PHKA2: variants seen among roughly 807,000 people sequenced by gnomAD.
PHKA2 encodes the protein phosphorylase kinase regulatory subunit alpha 2.
PHKA2 carries 31 observed loss-of-function variants against 102.0 expected under a neutral mutation model. The ratio of observed to expected loss-of-function variants is 0.30; its 90% confidence interval spans 0.23 to 0.41. PHKA2 has a LOEUF of 0.41. PHKA2 is among the 10% of genes least tolerant of loss of function. The probability of loss-of-function intolerance (pLI) is 1.00; values close to 1 mark genes in which losing one functional copy is unlikely to be tolerated. For missense variants in PHKA2, 858 were observed against 1,023.1 expected (o/e 0.84, Z 2.20); for synonymous variants, 455 against 416.2 (o/e 1.09, Z -1.13).
chrX:18,913,228 TAC>T (rs973326436), intron 19 of PHKA2, among the ~76,000 whole-genome samples: 8 of 111,568 alleles, frequency 7.2e-5, no homozygotes, highest in Non-Finnish European at 1.5e-4. Flanking sequence ...GACATGACTG[TAC>T]ACTGCTGTAG....
intron 1 of PHKA2, among the ~76,000 whole-genome samples, chrX:18,965,824 G>A (rs1056082144): frequency 9.0e-6 from 1 of 111,686 alleles, no homozygotes; most frequent in African/African-American, 3.3e-5. Context: ...AGTTAACAGT[G>A]ATATTCAAAT....
At chrX:18,895,874 G>C (rs1159985156) in intron 30 of PHKA2, 11 of 114,958 alleles carry the variant, frequency 9.6e-5, no homozygotes, top group Non-Finnish European at 2.0e-4. Flanking sequence ...CAGAACAGCA[G>C]TGGACACTCC....
chrX:18,957,402 C>A (rs1438678264), intron 1 of PHKA2, among the ~76,000 whole-genome samples: 2 of 111,718 alleles, frequency 1.8e-5, no homozygotes, highest in Non-Finnish European at 3.8e-5. Context: ...GCTGCCCTGT[C>A]TGATGCCATT....
Position 18,912,684 on chromosome X carries a change from G to A in PHKA2, c.2138-1724C>T, listed in dbSNP as rs918819973. ...TCCCAGCACTTTGGCAGGCTGAGGC[G>A]GAAGGATCACCTGAGGTCGGGAGTT... On this transcript the variant is annotated intron_variant, in intron 19 of 32. Coordinates refer to ENST00000379942, the MANE Select transcript of PHKA2 (RefSeq NM_000292.3). 3.6e-5 allele frequency among the ~76,000 whole-genome samples: 4 copies of A among 110,104 alleles called. No homozygotes were observed. In the South Asian group the frequency reaches 1.2e-3, roughly 33 times the overall value.
At position 18,894,505 on chromosome X, in the gene PHKA2, C is replaced by T. The variant is rs2047497073; in HGVS notation, c.3337-101G>A. 15 of 702,153 alleles carry T rather than the reference C, an allele frequency of 2.1e-5. No individual in the cohort carries two copies. The East Asian group carries it at 3.7e-4, about 17-fold the overall frequency. 57.9% of individuals were successfully genotyped at this position (702,153 alleles called of 1,213,427 possible). On this transcript the variant is annotated intron_variant, in intron 31 of 32. Transcript: ENST00000379942. ...GGGTGACCGTAGCAGTGCCTGGGCT[C>T]GGGGCTCAGCGCCACTGCTGCCCCT...
intron 1 of PHKA2, among the ~76,000 whole-genome samples, chrX:18,955,992 A>G (rs752649077): frequency 9.9e-4 from 111 of 112,631 alleles, no homozygotes; most frequent in African/African-American, 3.5e-3. Flanking sequence ...TCTTATTCCA[A>G]TAGTGGACTA....
chrX:18,915,082 G>A (rs1201800608), intron 19 of PHKA2, among the ~76,000 whole-genome samples: 2 of 112,129 alleles, frequency 1.8e-5, no homozygotes, highest in South Asian at 3.8e-4. Flanking sequence ...GCTCATGCCT[G>A]TAATCCCAGC....
chrX:18,977,277 T>A lies in PHKA2; in HGVS notation c.78+6578A>T, dbSNP rs113150771. On this transcript the variant is annotated intron_variant, in intron 1 of 32. Coordinates refer to ENST00000379942, the MANE Select transcript of PHKA2 (RefSeq NM_000292.3). Reference sequence around the variant, plus strand: ...AAAAAAAATGTGGCATGCATAAAGTTGATCTTTCAGTATTTTTTGACATTT... The same window carrying A: ...AAAAAAAATGTGGCATGCATAAAGTAGATCTTTCAGTATTTTTTGACATTT... 5.2e-3 allele frequency among the ~76,000 whole-genome samples: 585 copies of A among 112,825 alleles called. 6 individuals are homozygous for A. Among genetic ancestry groups the A allele is most frequent in the African/African-American group, 0.018 (548 of 31,111 alleles).
intron 5 of PHKA2, among the ~76,000 whole-genome samples, chrX:18,946,961 G>A (rs758190775): frequency 3.6e-4 from 39 of 109,255 alleles, no homozygotes; most frequent in African/African-American, 1.2e-3. Context: ...TACTGACCAG[G>A]TGCGACAACC....
intron 4 of PHKA2, among the ~76,000 whole-genome samples, chrX:18,949,431 G>C (rs2048639129): frequency 8.9e-6 from 1 of 112,133 alleles, no homozygotes; most frequent in African/African-American, 3.2e-5. Flanking sequence ...AGTTTAACTA[G>C]AAACTGAAAA....
chrX:18,901,682 C>T, intron 26 of PHKA2, 79 bp from the exon 27 acceptor site: 2 of 665,677 alleles, frequency 3.0e-6, no homozygotes, highest in Non-Finnish European at 5.0e-6. Context: ...CCTGTCTCCC[C>T]CACTTGACAA....
In PHKA2 at chrX:18,912,106, G is replaced by GT. The variant is rs745399417; in HGVS notation, c.2138-1147dup. 2.7e-5 allele frequency among the ~76,000 whole-genome samples: 3 copies of GT among 112,426 alleles called. No individual in the cohort carries two copies. In the South Asian group the frequency reaches 1.1e-3, roughly 41 times the overall value. The stretch of plus-strand genomic sequence containing the variant: ...CTCAGGAGAACAAGAAGTTTTCAAG[G>GT]TAAAGATGATGCATATTTAAAAGGC... On this transcript the variant is annotated intron_variant, in intron 19 of 32. Coordinates refer to ENST00000379942, the MANE Select transcript of PHKA2 (RefSeq NM_000292.3).
intron 4 of PHKA2, among the ~76,000 whole-genome samples, chrX:18,950,644 T>C (rs756816538): frequency 1.8e-5 from 2 of 112,853 alleles, no homozygotes; most frequent in African/African-American, 3.2e-5. Context: ...TGATTTATAA[T>C]ACTGATTGCT....
At chrX:18,970,784 A>G (rs2049008693) in intron 1 of PHKA2, among the ~76,000 whole-genome samples, 1 of 112,141 alleles carries the variant, frequency 8.9e-6, no homozygotes, top group African/African-American at 3.3e-5. Context: ...ATAGACCACT[A>G]CCTAATCACC....
chrX:18,931,089 A>C (rs1214771758), intron 12 of PHKA2, among the ~76,000 whole-genome samples: 1 of 112,181 alleles, frequency 8.9e-6, no homozygotes, highest in Non-Finnish European at 1.9e-5. Context: ...AAGCCTGGGG[A>C]CAAGTCAATG....
rs756022581 is a variant in PHKA2, at chrX:18,918,758, C to T, written c.2060G>A (p.Arg687His). The change falls in exon 19 of 33, where the codon CGC becomes CAC. Residue 687 changes from arginine (R) to histidine (H), a missense_variant. Physicochemically the swap from Arg to His is conservative, Grantham distance 29. This residue lies in a region of PHKA2 where 671 missense variants were observed against 745.2 expected (regional missense o/e 0.90). Coordinates refer to ENST00000379942, the MANE Select transcript of PHKA2 (RefSeq NM_000292.3). ...GGAGTGGATAGCACTGAAGACATGG[C>T]GGTCTTCTGTGTTCTTACAAAGAGG... ...LPPLCKNTED[R>H]HVFSAIHSTR... 23 of 1,204,189 alleles carry T rather than the reference C, an allele frequency of 1.9e-5. No individual in the cohort carries two copies. Among genetic ancestry groups the T allele is most frequent in the African/African-American group, 1.8e-5 (1 of 57,135 alleles).
At chrX:18,895,619 A>G (rs890088704) in intron 30 of PHKA2, 3 of 183,395 alleles carry the variant, frequency 1.6e-5, no homozygotes, top group African/African-American at 8.8e-5. Context: ...ACCAATCACA[A>G]AAGCCTCCAG....
intron 27 of PHKA2, 89 bp from the exon 28 acceptor site, chrX:18,900,788 C>T (rs1197683622): frequency 1.8e-5 from 15 of 845,227 alleles, no homozygotes; most frequent in South Asian, 1.0e-4. Context: ...AATCCAGGGC[C>T]GTGTTGGTCA....
At chrX:18,921,135 A>C (rs1264924375) in intron 17 of PHKA2, among the ~76,000 whole-genome samples, 1 of 110,534 alleles carries the variant, frequency 9.0e-6, no homozygotes, top group Non-Finnish European at 1.9e-5. Context: ...CTTTTAAAAA[A>C]CCCTCAGAAA....
Sources: gnomAD v4.1 joint callset for allele counts (sites outside exome capture counted in the v4.1 genomes callset) on GRCh38, gnomAD v4.1.1 for gene constraint, gnomAD v4.1.1 regional missense constraint, MANE v1.5 for transcripts, NCBI Gene and HGNC (gene_info 2026-07-23, HGNC 2026-07-21) for gene names.